The following BTBD7 variants were observed in gnomAD, a reference collection of about 807,000 sequenced individuals.
BTBD7 encodes the protein BTB/POZ domain-containing protein 7.
A neutral mutation model predicts 99.9 loss-of-function variants in BTBD7; 38 were observed. That is an observed-to-expected ratio of 0.38 (90% CI 0.29 to 0.50). The LOEUF (loss-of-function observed/expected upper bound fraction) is 0.50. Among genes scored for constraint, BTBD7 ranks in the 20% least tolerant of loss-of-function variants. The pLI is 0.93. For synonymous variants in BTBD7, 520 were observed against 511.4 expected, an observed-to-expected ratio of 1.02 and a Z score of -0.23; for missense variants, 1,170 against 1,394.6, an observed-to-expected ratio of 0.84 and a Z score of 2.57.
intron 3 of BTBD7, among the ~76,000 whole-genome samples, chr14:93,283,463 ACTT>A: frequency 6.6e-6 from 1 of 152,246 alleles, no homozygotes. Flanking sequence ...TAGAGATATC[ACTT>A]CTTGTTATAG....
At chr14:93,279,747 C>T (rs965843433) in intron 3 of BTBD7, among the ~76,000 whole-genome samples, 2 of 152,138 alleles carry the variant, frequency 1.3e-5, no homozygotes, top group Non-Finnish European at 2.9e-5. Context: ...AAGGTTTCAC[C>T]ATGTTGGCCA....
rs1439994209 is a variant in BTBD7 at position 93,332,961 on chromosome 14, C to T, written c.-248G>A. On this transcript the variant is annotated 5_prime_UTR_variant, in exon 1 of 11. Coordinates refer to ENST00000334746, the MANE Select transcript of BTBD7 (RefSeq NM_001002860.4). ...CCACCGCCGCCGCCGCCGCCCTCTC[C>T]TCTCCTGTCAGTGGCTCAGGCTCCG... The T allele has an allele frequency of 7.2e-6, 5 of 691,438 alleles. No homozygotes were observed. The highest frequency in any genetic ancestry group is 1.9e-5 in the African/African-American group (1 of 51,988). The allele number at this position is 691,438 out of a possible 1,614,324, so 42.8% of individuals were successfully genotyped here.
rs745941402 is a variant in BTBD7 at position 93,295,928 on chromosome 14, A to G, written c.82+42T>C. 8 of 1,569,960 alleles carry G rather than the reference A, an allele frequency of 5.1e-6. No individual in the cohort carries two copies. The Admixed American group carries it at 1.3e-4, about 26-fold the overall frequency. ...AGACTACCGAAAACACAATTCTATT[A>G]TAGTCACAAAAGAAAATGAAGTTAG... is the stretch of plus-strand genomic sequence containing the variant. On this transcript the variant is annotated intron_variant, in intron 2 of 10. Coordinates refer to ENST00000334746, the MANE Select transcript of BTBD7 (RefSeq NM_001002860.4).
intron 1 of BTBD7, among the ~76,000 whole-genome samples, chr14:93,321,907 C>T (rs1453862438): frequency 2.0e-5 from 3 of 151,618 alleles, no homozygotes; most frequent in African/African-American, 4.9e-5. Context: ...ATAGAAGGAG[C>T]GAGAAGAATG....
At chr14:93,293,046 T>C (rs900002376) in intron 3 of BTBD7, among the ~76,000 whole-genome samples, 1 of 152,192 alleles carries the variant, frequency 6.6e-6, no homozygotes, top group African/African-American at 2.4e-5. Context: ...TCATGTCACA[T>C]AGCTTATTTT....
In BTBD7 at chr14:93,239,408, G is replaced by T. The variant is rs1485196363; in HGVS notation, c.*2865C>A. The stretch of plus-strand genomic sequence containing the variant: ...ATTAAATTCCTATACCAAGTAAAAT[G>T]CCAGTTCCCATGGCCTAAATTTTAT... On this transcript the variant is annotated 3_prime_UTR_variant, in exon 11 of 11. Coordinates refer to ENST00000334746, the MANE Select transcript of BTBD7 (RefSeq NM_001002860.4). The T allele has an allele frequency of 6.6e-6, 1 of 151,332 alleles. No individual in the cohort carries two copies. The highest frequency in any genetic ancestry group is 2.4e-5 in the African/African-American group (1 of 41,072). 9.4% of individuals were successfully genotyped at this position (151,332 alleles called of 1,614,324 possible).
chr14:93,266,924 T>A (rs997585914), intron 3 of BTBD7, among the ~76,000 whole-genome samples: 2 of 152,176 alleles, frequency 1.3e-5, no homozygotes, highest in Non-Finnish European at 2.9e-5. Flanking sequence ...TTTTCAACAG[T>A]CGTCATTTTA....
rs145831165 is a variant in BTBD7 at position 93,278,173 on chromosome 14, G to A, written c.1163-14180C>T. 2.0e-3 allele frequency among the ~76,000 whole-genome samples: 311 copies of A among 152,260 alleles called. 5 individuals are homozygous for A. The East Asian group carries it at 0.022, about 11-fold the overall frequency. ...CACGCCTCTAATCCCAGCACTTTGG[G>A]AAGCCGAGGTGGGTGGATCACTTGA... On this transcript the variant is annotated intron_variant, in intron 3 of 10. Transcript: ENST00000334746.
At chr14:93,259,274 A>C (rs946468349) in intron 5 of BTBD7, among the ~76,000 whole-genome samples, 3 of 152,196 alleles carry the variant, frequency 2.0e-5, no homozygotes, top group Non-Finnish European at 4.4e-5. Context: ...CTCACGCCTG[A>C]ATGAAGCTTA....
At chr14:93,254,229 G>A (rs953873169) in intron 6 of BTBD7, among the ~76,000 whole-genome samples, 5 of 152,050 alleles carry the variant, frequency 3.3e-5, no homozygotes, top group African/African-American at 9.7e-5. Context: ...GAGCCACCGT[G>A]CCCGGTGAAA....
chr14:93,313,400 TAGG>T (rs1035479143), intron 1 of BTBD7, among the ~76,000 whole-genome samples: 35 of 152,350 alleles, frequency 2.3e-4, no homozygotes, highest in African/African-American at 7.5e-4. Context: ...AGGGTTTTGT[TAGG>T]AGAATCTTAT....
At chr14:93,257,391 C>A (rs1458722287) in intron 5 of BTBD7, 36 bp from the exon 6 acceptor site, 7 of 1,571,650 alleles carry the variant, frequency 4.5e-6, no homozygotes, top group Middle Eastern at 1.7e-4. Flanking sequence ...CCAACCAAAT[C>A]CAAATGTTCT....
chr14:93,254,226 C>T (rs568917148), intron 6 of BTBD7, among the ~76,000 whole-genome samples: 16 of 152,080 alleles, frequency 1.1e-4, no homozygotes, highest in African/African-American at 3.1e-4. Context: ...CGTGAGCCAC[C>T]GTGCCCGGTG....
intron 1 of BTBD7, among the ~76,000 whole-genome samples, chr14:93,306,124 A>G (rs1314251562): frequency 6.6e-6 from 1 of 152,246 alleles, no homozygotes; most frequent in Non-Finnish European, 1.5e-5. Flanking sequence ...TCCTTATCAT[A>G]GAAGACATAG....
chr14:93,296,188 T>A, intron 1 of BTBD7, 31 bp from the exon 2 acceptor site: 2 of 1,280,946 alleles, frequency 1.6e-6, no homozygotes, highest in Non-Finnish European at 2.0e-6. Flanking sequence ...ATTTAATTCA[T>A]TTTTTCAAGT....
At chr14:93,308,818 T>C (rs1267370327) in intron 1 of BTBD7, among the ~76,000 whole-genome samples, 3 of 152,142 alleles carry the variant, frequency 2.0e-5, no homozygotes, top group African/African-American at 7.2e-5. Context: ...AGACAGAAAG[T>C]AGAATGATGG....
intron 6 of BTBD7, 101 bp from the exon 7 acceptor site, chr14:93,253,891 T>C (rs2052398921): frequency 1.8e-6 from 1 of 563,740 alleles, no homozygotes; most frequent in South Asian, 7.6e-5. Context: ...TATGCAAACT[T>C]TATCATTTAA....
intron 8 of BTBD7, among the ~76,000 whole-genome samples, chr14:93,250,934 C>T (rs2052361971): frequency 6.6e-6 from 1 of 152,138 alleles, no homozygotes; most frequent in South Asian, 2.1e-4. Context: ...TATGATAGTG[C>T]ATTTGACCCT....
chr14:93,242,797 C>T lies in BTBD7; in HGVS notation c.2875G>A (p.Ala959Thr), dbSNP rs2052250086. The T allele has an allele frequency of 1.2e-6, 2 of 1,614,000 alleles. No individual in the cohort carries two copies. The highest frequency in any genetic ancestry group is 1.7e-6 in the Non-Finnish European group (2 of 1,180,050). The change falls in exon 11 of 11, where the codon GCT becomes ACT. Residue 959 changes from alanine to threonine, a missense_variant. Physicochemically the swap from Ala to Thr is moderately conservative, Grantham distance 58. This residue lies in a region of BTBD7 where 495 missense variants were observed against 525.9 expected (regional missense o/e 0.94). Coordinates refer to ENST00000334746, the MANE Select transcript of BTBD7 (RefSeq NM_001002860.4). The part of the protein sequence containing the change: ...SNAACRPSTP[A>T]LSRRTPSPSQ... ...GGGGAAGGGGTGCGTCTGCTGAGAG[C>T]AGGAGTAGAAGGTCTGCAAGCAGCA...
Sources: allele counts gnomAD v4.1 joint callset (sites outside exome capture counted in the v4.1 genomes callset), GRCh38; gene constraint gnomAD v4.1.1; regional missense constraint gnomAD v4.1.1; transcripts MANE v1.5; gene names NCBI Gene and HGNC (gene_info 2026-07-23, HGNC 2026-07-21).